RAPGEF2: variants seen among roughly 807,000 people sequenced by gnomAD.
RAPGEF2 encodes PDZ domain containing guanine nucleotide exchange factor (GEF) 1.
Under a neutral mutation model 186.7 loss-of-function variants are expected in RAPGEF2, and 54 were observed. That is an observed-to-expected ratio of 0.29 (90% CI 0.23 to 0.36). The LOEUF (loss-of-function observed/expected upper bound fraction) is 0.36. Ranked by LOEUF, RAPGEF2 falls within the 10% of genes least tolerant of loss-of-function variation. RAPGEF2 has a pLI of 1.00. For synonymous variants in RAPGEF2, 712 were observed against 705.9 expected (o/e 1.01, Z -0.14); for missense variants, 1,532 against 2,045.0 (o/e 0.75, Z 4.84).
At chr4:159,236,033 T>G (rs1308315123) in intron 4 of RAPGEF2, among the ~76,000 whole-genome samples, 1 of 152,228 alleles carries the variant, frequency 6.6e-6, no homozygotes, top group Admixed American at 6.5e-5. Flanking sequence ...TTCCTGGCTG[T>G]GTTTGAAAAA....
At chr4:159,234,443 A>G (rs1167610214) in intron 4 of RAPGEF2, among the ~76,000 whole-genome samples, 1 of 148,572 alleles carries the variant, frequency 6.7e-6, no homozygotes, top group Non-Finnish European at 1.5e-5. Context: ...AGTGTAGTGG[A>G]ACGATCTCGT....
chr4:159,120,336 T>G (rs1003801200), intron 1 of RAPGEF2, among the ~76,000 whole-genome samples: 1 of 150,530 alleles, frequency 6.6e-6, no homozygotes, highest in African/African-American at 2.5e-5. Context: ...TCACTTCTTA[T>G]AAGTATATAT....
chr4:159,174,326 A>G (rs1045323363), intron 1 of RAPGEF2, among the ~76,000 whole-genome samples: 2 of 152,308 alleles, frequency 1.3e-5, no homozygotes, highest in African/African-American at 4.8e-5. Flanking sequence ...TCAATGAGAG[A>G]TAAACTCTTT....
chr4:159,127,270 G>A (rs777981377), intron 1 of RAPGEF2, among the ~76,000 whole-genome samples: 1 of 152,116 alleles, frequency 6.6e-6, no homozygotes, highest in African/African-American at 2.4e-5. Context: ...CAGGTGATCC[G>A]CCTGCCTTGG....
chr4:159,350,224 CA>C lies in RAPGEF2; in HGVS notation c.3802del (p.Ile1268TyrfsTer78). ...LERHKKQAEDTISNASSQLSS... is the reference protein window; with the variant it reads ...LERHKKQAEDXISNASSQLSS... ...CGTCACAAGAAACAGGCTGAAGATA[CA>C]ATATCAAATGCATCTTCGCAGCTTT... On this transcript the variant is annotated frameshift_variant, in exon 26 of 30. Coordinates refer to ENST00000691494, the MANE Select transcript of RAPGEF2 (RefSeq NM_001394067.2). LOFTEE classifies it high-confidence loss of function. 1 of 1,599,420 alleles carries C rather than the reference CA, an allele frequency of 6.3e-7. No homozygotes were observed. Among genetic ancestry groups the C allele is most frequent in the South Asian group, 1.1e-5 (1 of 87,264 alleles).
At chr4:159,279,693 T>C (rs1759431515) in intron 7 of RAPGEF2, among the ~76,000 whole-genome samples, 1 of 152,172 alleles carries the variant, frequency 6.6e-6, no homozygotes, top group Non-Finnish European at 1.5e-5. Context: ...TTTTCCTTTT[T>C]TTTTTGAGAC....
intron 3 of RAPGEF2, among the ~76,000 whole-genome samples, chr4:159,201,906 G>A (rs545381337): frequency 7.2e-4 from 109 of 152,172 alleles, no homozygotes; most frequent in Non-Finnish European, 1.3e-3. Context: ...ATAGGCATGT[G>A]ATCAATAGCC....
chr4:159,208,269 T>TA (rs915401300), intron 3 of RAPGEF2, among the ~76,000 whole-genome samples: 7 of 152,242 alleles, frequency 4.6e-5, no homozygotes, highest in African/African-American at 1.7e-4. Context: ...TAGTGTCTTC[T>TA]AAAAAACTTT....
At chr4:159,225,533 G>A (rs1361770565) in intron 4 of RAPGEF2, among the ~76,000 whole-genome samples, 2 of 152,148 alleles carry the variant, frequency 1.3e-5, no homozygotes, top group Non-Finnish European at 2.9e-5. Flanking sequence ...CATGGTAAAT[G>A]TATGTTTAAC....
chr4:159,348,169 C>T (rs746537006), intron 25 of RAPGEF2, among the ~76,000 whole-genome samples: 6 of 150,756 alleles, frequency 4.0e-5, no homozygotes, highest in Non-Finnish European at 8.8e-5. Flanking sequence ...TGTAATAAGC[C>T]GGGATTGCAT....
Position 159,210,595 on chromosome 4 carries a change from A to T in RAPGEF2, c.281+12A>T, listed in dbSNP as rs909336502. 8.1e-6 allele frequency: 12 copies of T among 1,490,630 alleles called. 1 individual carries two copies. The African/African-American group carries it at 1.1e-4, about 14-fold the overall frequency. The allele number at this position is 1,490,630 out of a possible 1,614,324, so 92.3% of individuals were successfully genotyped here. On this transcript the variant is annotated intron_variant, in intron 4 of 29. Transcript: ENST00000691494. ...CTTCCAAGAAGCAGGTATTGTATAGACATTCTGTAATAGATTATCCATGAA... is the reference window on the plus strand; with the variant it reads ...CTTCCAAGAAGCAGGTATTGTATAGTCATTCTGTAATAGATTATCCATGAA...
chr4:159,226,787 G>A (rs546469090), intron 4 of RAPGEF2, among the ~76,000 whole-genome samples: 1 of 152,118 alleles, frequency 6.6e-6, no homozygotes, highest in Non-Finnish European at 1.5e-5. Context: ...TGAAACAGAG[G>A]TTAAGCAATA....
chr4:159,274,786 A>T (rs565943669), intron 7 of RAPGEF2, among the ~76,000 whole-genome samples: 1 of 152,322 alleles, frequency 6.6e-6, no homozygotes, highest in South Asian at 2.1e-4. Flanking sequence ...TAGAAAAAAT[A>T]TATTAGGGAA....
intron 9 of RAPGEF2, among the ~76,000 whole-genome samples, chr4:159,316,179 T>G (rs1187489602): frequency 6.6e-6 from 1 of 152,194 alleles, no homozygotes; most frequent in African/African-American, 2.4e-5. Context: ...TTCTGGTCAC[T>G]CCTCACTATG....
chr4:159,314,729 C>T lies in RAPGEF2; in HGVS notation c.814C>T (p.Leu272=). 6.2e-7 allele frequency: 1 copy of T among 1,612,390 alleles called. No individual in the cohort carries two copies. Among genetic ancestry groups the T allele is most frequent in the Non-Finnish European group, 8.5e-7 (1 of 1,179,406 alleles). The change falls in exon 9 of 30, where the codon CTA becomes TTA. Residue 272 remains leucine (L), a synonymous_variant. Transcript: ENST00000691494. ...GAGCAGGGACATTGTGAGAGACTGC[C>T]TAGAGAAGGACCCAATTGACCGGAC... The part of the protein sequence containing the change: ...LMSRDIVRDC[L]EKDPIDRTDD...
At chr4:159,220,943 T>C (rs1268721512) in intron 4 of RAPGEF2, among the ~76,000 whole-genome samples, 1 of 152,216 alleles carries the variant, frequency 6.6e-6, no homozygotes, top group Non-Finnish European at 1.5e-5. Flanking sequence ...TAACCTACAA[T>C]TTATTTAATG....
chr4:159,135,435 G>A (rs974933600), intron 1 of RAPGEF2, among the ~76,000 whole-genome samples: 1 of 152,126 alleles, frequency 6.6e-6, no homozygotes, highest in African/African-American at 2.4e-5. Flanking sequence ...TGAACATTTG[G>A]ATTGTTTCTA....
In RAPGEF2 at chr4:159,300,958, C is replaced by T. The variant is rs115559873; in HGVS notation, c.544-3384C>T. The stretch of plus-strand genomic sequence containing the variant: ...ATTTTTCCTAGGCATGGGCTCAGGC[C>T]TCTATTTCATTAGAGTGTCATGGCA... On this transcript the variant is annotated intron_variant, in intron 7 of 29. Coordinates refer to ENST00000691494, the MANE Select transcript of RAPGEF2 (RefSeq NM_001394067.2). Among the ~76,000 whole-genome samples the T allele has an allele frequency of 9.9e-3, 1,515 of 152,310 alleles. 10 individuals are homozygous for T. Among genetic ancestry groups the T allele is most frequent in the East Asian group, 0.034 (177 of 5,188 alleles).
chr4:159,314,816 G>A, intron 9 of RAPGEF2, 48 bp downstream of exon 9: 1 of 1,517,572 alleles, frequency 6.6e-7, no homozygotes, highest in South Asian at 1.3e-5. Flanking sequence ...AAAAGATTTA[G>A]TGGCAAAATT....
Sources: allele counts gnomAD v4.1 joint callset (sites outside exome capture counted in the v4.1 genomes callset), GRCh38; gene constraint gnomAD v4.1.1; transcripts MANE v1.5; gene names NCBI Gene and HGNC (gene_info 2026-07-23, HGNC 2026-07-21).